OPCML: variants seen among roughly 807,000 people sequenced by gnomAD.
The protein encoded by OPCML is opioid-binding protein/cell adhesion molecule.
A neutral mutation model predicts 37.8 loss-of-function variants in OPCML; 13 were observed. That is an observed-to-expected ratio of 0.34 (90% CI 0.22 to 0.55). The LOEUF is 0.55. Among genes scored for constraint, OPCML ranks in the 20% least tolerant of loss-of-function variants. The pLI is 0.91. For missense variants in OPCML, 341 were observed against 435.6 expected, an observed-to-expected ratio of 0.78 and a Z score of 1.93; for synonymous variants, 176 against 168.8, an observed-to-expected ratio of 1.04 and a Z score of -0.33.
intron 2 of OPCML, among the ~76,000 whole-genome samples, chr11:132,669,489 T>G (rs1942365374): frequency 6.6e-6 from 1 of 152,084 alleles, no homozygotes; most frequent in Non-Finnish European, 1.5e-5. Context: ...TTTTTTGGAG[T>G]CAGTAATGGG....
chr11:132,697,573 C>T (rs559163684), intron 2 of OPCML, among the ~76,000 whole-genome samples: 40 of 152,164 alleles, frequency 2.6e-4, no homozygotes, highest in African/African-American at 8.7e-4. Context: ...TGGAATAATG[C>T]CCTCCAGGTC....
chr11:132,874,563 C>T (rs551323827), intron 2 of OPCML, among the ~76,000 whole-genome samples: 3 of 152,172 alleles, frequency 2.0e-5, no homozygotes, highest in African/African-American at 2.4e-5. Flanking sequence ...CTGAGAATAA[C>T]TGGAATTGTT....
intron 1 of OPCML, among the ~76,000 whole-genome samples, chr11:133,140,923 G>A (rs1949791694): frequency 1.1e-4 from 2 of 18,702 alleles, no homozygotes; most frequent in African/African-American, 2.0e-4. Flanking sequence ...AGAAGAAGAC[G>A]ACGACGACGA....
chr11:132,637,678 A>C (rs1219581300), intron 3 of OPCML, among the ~76,000 whole-genome samples: 1 of 152,148 alleles, frequency 6.6e-6, no homozygotes, highest in Non-Finnish European at 1.5e-5. Flanking sequence ...ATTAGTTTAT[A>C]TATTTACTTC....
chr11:133,308,401 CAAT>C (rs1942981137), intron 1 of OPCML, among the ~76,000 whole-genome samples: 1 of 151,950 alleles, frequency 6.6e-6, no homozygotes, highest in Non-Finnish European at 1.5e-5. Flanking sequence ...TATAGATAAT[CAAT>C]GCCAGATTTC....
At chr11:133,131,124 G>A (rs1213592386) in intron 1 of OPCML, among the ~76,000 whole-genome samples, 1 of 152,132 alleles carries the variant, frequency 6.6e-6, no homozygotes, top group Non-Finnish European at 1.5e-5. Flanking sequence ...CAAGGACAGA[G>A]CAAAAGATGG....
Position 132,766,276 on chromosome 11 carries a change from A to G in OPCML, c.147-108957T>C, listed in dbSNP as rs115553317. Among the ~76,000 whole-genome samples, 601 of 152,296 alleles carry G rather than the reference A, an allele frequency of 3.9e-3. 7 individuals are homozygous for G. Among genetic ancestry groups the G allele is most frequent in the African/African-American group, 0.014 (578 of 41,560 alleles). On this transcript the variant is annotated intron_variant, in intron 2 of 7. Transcript: ENST00000524381. ...TCAAAGGCTGCTACACAGAAATTCA[A>G]TGAAGGAAAGTTATTTACATAGTCT...
intron 1 of OPCML, among the ~76,000 whole-genome samples, chr11:132,966,800 ATG>A (rs1946225652): frequency 6.6e-6 from 1 of 151,992 alleles, no homozygotes; most frequent in African/African-American, 2.4e-5. Flanking sequence ...TCATAGTAAA[ATG>A]TCCTTCAATC....
At chr11:132,745,632 T>G (rs954823773) in intron 2 of OPCML, among the ~76,000 whole-genome samples, 1 of 151,698 alleles carries the variant, frequency 6.6e-6, no homozygotes, top group Non-Finnish European at 1.5e-5. Flanking sequence ...GTCTTAAGCT[T>G]TCTCTCTTTC....
At chr11:132,696,074 C>A (rs1286381747) in intron 2 of OPCML, among the ~76,000 whole-genome samples, 1 of 152,074 alleles carries the variant, frequency 6.6e-6, no homozygotes, top group African/African-American at 2.4e-5. Flanking sequence ...TTAACCCAGG[C>A]AAATAGAACA....
chr11:132,505,038 A>C (rs893309004), intron 4 of OPCML, among the ~76,000 whole-genome samples: 3 of 152,196 alleles, frequency 2.0e-5, no homozygotes, highest in African/African-American at 4.8e-5. Flanking sequence ...AGGACAAGAA[A>C]AAAAGTACCA....
intron 3 of OPCML, among the ~76,000 whole-genome samples, chr11:132,569,348 A>G (rs1330430315): frequency 1.3e-5 from 2 of 152,196 alleles, no homozygotes; most frequent in Admixed American, 6.5e-5. Context: ...TTCCGAAGCA[A>G]TCAACTCTGC....
intron 1 of OPCML, among the ~76,000 whole-genome samples, chr11:133,081,594 G>C (rs1948717285): frequency 6.6e-6 from 1 of 152,286 alleles, no homozygotes; most frequent in African/African-American, 2.4e-5. Context: ...ATGACAGACG[G>C]AGGCTTCTAT....
intron 3 of OPCML, among the ~76,000 whole-genome samples, chr11:132,633,607 T>A (rs1343537523): frequency 1.3e-5 from 2 of 152,072 alleles, no homozygotes; most frequent in Non-Finnish European, 2.9e-5. Flanking sequence ...ACACAGGACA[T>A]CTGTTGGAAG....
At chr11:132,872,266 G>A (rs1942828395) in intron 2 of OPCML, among the ~76,000 whole-genome samples, 1 of 152,138 alleles carries the variant, frequency 6.6e-6, no homozygotes, top group Non-Finnish European at 1.5e-5. Context: ...AAGTATTTAA[G>A]GCTTTGTTTT....
At chr11:133,084,511 C>G (rs988475462) in intron 1 of OPCML, among the ~76,000 whole-genome samples, 1 of 152,192 alleles carries the variant, frequency 6.6e-6, no homozygotes, top group Non-Finnish European at 1.5e-5. Context: ...TTGAGGGTGT[C>G]TAAGTTTGAA....
intron 2 of OPCML, among the ~76,000 whole-genome samples, chr11:132,906,190 T>TC (rs1944234864): frequency 6.6e-6 from 1 of 152,204 alleles, no homozygotes; most frequent in African/African-American, 2.4e-5. Flanking sequence ...AAAACATGAC[T>TC]CATCGTAGAA....
chr11:133,204,882 A>ATATATATATGTGTG (rs1555114202), intron 1 of OPCML, among the ~76,000 whole-genome samples: 5 of 30,218 alleles, frequency 1.7e-4, no homozygotes, highest in African/African-American at 6.4e-4. Context: ...ATATATATAT[A>ATATATATATGTGTG]TATATATATA....
intron 3 of OPCML, among the ~76,000 whole-genome samples, chr11:132,602,173 C>A (rs1296038508): frequency 6.6e-6 from 1 of 151,998 alleles, no homozygotes; most frequent in Non-Finnish European, 1.5e-5. Context: ...CAGAAGCCTC[C>A]CAGAGGCACA....
Sources: allele counts gnomAD v4.1 joint callset (sites outside exome capture counted in the v4.1 genomes callset), GRCh38; gene constraint gnomAD v4.1.1; transcripts MANE v1.5; gene names NCBI Gene and HGNC (gene_info 2026-07-23, HGNC 2026-07-21).